The following LRRC4C variants were observed in gnomAD, a reference collection of about 807,000 sequenced individuals.
The protein encoded by LRRC4C is leucine-rich repeat-containing protein 4C.
Under a neutral mutation model 33.6 loss-of-function variants are expected in LRRC4C, and 5 were observed. The observed-to-expected ratio is 0.15, with a 90% CI of 0.08 to 0.31. LRRC4C has a LOEUF of 0.31. Among genes scored for constraint, LRRC4C ranks in the 10% least tolerant of loss-of-function variants. The pLI is 1.00. For synonymous variants in LRRC4C, 329 were observed against 302.0 expected, an observed-to-expected ratio of 1.09 and a Z score of -0.93; for missense variants, 560 against 796.7, an observed-to-expected ratio of 0.70 and a Z score of 3.58.
In LRRC4C at chr11:40,976,611, G is replaced by A. The variant is rs1852102968; in HGVS notation, c.-495-42888C>T. Among the ~76,000 whole-genome samples, 3 of 152,168 alleles carry A rather than the reference G, an allele frequency of 2.0e-5. No homozygotes were observed. The South Asian group carries it at 6.2e-4, about 31-fold the overall frequency. On this transcript the variant is annotated intron_variant, in intron 1 of 6. Transcript: ENST00000528697. ...ACTTTTTCAAAATCCAATTGGTATG[G>A]AGTCCAACATCTAACAAAATGTGAT...
chr11:40,278,787 T>A (rs1231472672), intron 4 of LRRC4C, among the ~76,000 whole-genome samples: 3 of 13,150 alleles, frequency 2.3e-4, no homozygotes, highest in African/African-American at 1.0e-3. Flanking sequence ...AGACGTATGA[T>A]AGATATTAGT....
At chr11:40,174,311 C>T (rs935804058) in intron 5 of LRRC4C, among the ~76,000 whole-genome samples, 1 of 152,112 alleles carries the variant, frequency 6.6e-6, no homozygotes, top group African/African-American at 2.4e-5. Flanking sequence ...CTTCTGCTGG[C>T]CTTGACCACT....
In LRRC4C at chr11:40,989,559, A is replaced by T. The variant is rs140062640; in HGVS notation, c.-495-55836T>A. Among the ~76,000 whole-genome samples the T allele has an allele frequency of 5.7e-4, 87 of 152,276 alleles. 2 individuals are homozygous for T. The East Asian group carries it at 0.012, about 22-fold the overall frequency. On this transcript the variant is annotated intron_variant, in intron 1 of 6. Transcript: ENST00000528697. ...AGTAAGAGTATGTCACTAGGTATTTATTCAGGAAGGATTTATACATAACAT... is the reference window on the plus strand; with the variant it reads ...AGTAAGAGTATGTCACTAGGTATTTTTTCAGGAAGGATTTATACATAACAT...
chr11:41,139,251 G>A (rs1457466885), intron 1 of LRRC4C, among the ~76,000 whole-genome samples: 7 of 152,254 alleles, frequency 4.6e-5, no homozygotes, highest in Non-Finnish European at 1.0e-4. Flanking sequence ...CAGTCACAGA[G>A]CTAGAAATAA....
chr11:41,135,191 A>C (rs1943202665), intron 1 of LRRC4C, among the ~76,000 whole-genome samples: 1 of 152,116 alleles, frequency 6.6e-6, no homozygotes, highest in African/African-American at 2.4e-5. Context: ...TTCTCCTTTC[A>C]AATCTGCTAA....
At chr11:40,484,748 T>A (rs562681891) in intron 3 of LRRC4C, among the ~76,000 whole-genome samples, 2 of 152,122 alleles carry the variant, frequency 1.3e-5, no homozygotes, top group Admixed American at 6.5e-5. Flanking sequence ...AAAGAATTAT[T>A]CCAAATAGCA....
intron 2 of LRRC4C, among the ~76,000 whole-genome samples, chr11:40,851,330 G>C (rs1591887301): frequency 1.3e-5 from 2 of 152,118 alleles, no homozygotes; most frequent in African/African-American, 4.8e-5. Flanking sequence ...GTAGCATCTG[G>C]GTCAGAGAGC....
chr11:40,915,203 T>C (rs1368581560), intron 2 of LRRC4C, among the ~76,000 whole-genome samples: 1 of 152,048 alleles, frequency 6.6e-6, no homozygotes, highest in Non-Finnish European at 1.5e-5. Flanking sequence ...TACTTTAAAG[T>C]TCATATGGAA....
chr11:41,422,331 G>T (rs1180270138), intron 1 of LRRC4C, among the ~76,000 whole-genome samples: 2 of 152,004 alleles, frequency 1.3e-5, no homozygotes, highest in East Asian at 3.9e-4. Flanking sequence ...GTCAGTACTT[G>T]GTTTAGAAAA....
chr11:41,163,138 C>T lies in LRRC4C; in HGVS notation c.-495-229415G>A, dbSNP rs575372139. 3.4e-4 allele frequency among the ~76,000 whole-genome samples: 51 copies of T among 152,124 alleles called. 1 individual carries two copies. In the South Asian group the frequency reaches 6.3e-3, roughly 19 times the overall value. The stretch of plus-strand genomic sequence containing the variant: ...CCGCCACCATGTAAGAAGTGCCTTT[C>T]ACCTCCCTCCATGATTCTGATGTCT... On this transcript the variant is annotated intron_variant, in intron 1 of 6. Coordinates refer to ENST00000528697, the MANE Select transcript of LRRC4C (RefSeq NM_001258419.2).
chr11:40,691,794 A>G lies in LRRC4C; in HGVS notation c.-406-43516T>C, dbSNP rs114900044. ...ACTTTGTTATGCAGACTCTTCCCAA[A>G]ATATTTATGTATTTTGAATAAACTT... On this transcript the variant is annotated intron_variant, in intron 2 of 6. Transcript: ENST00000528697. 3.9e-3 allele frequency among the ~76,000 whole-genome samples: 591 copies of G among 152,206 alleles called. 2 individuals carry two copies. The highest frequency in any genetic ancestry group is 0.013 in the African/African-American group (525 of 41,540).
intron 1 of LRRC4C, among the ~76,000 whole-genome samples, chr11:41,167,183 T>C (rs2136071318): frequency 6.6e-6 from 1 of 152,274 alleles, no homozygotes; most frequent in Non-Finnish European, 1.5e-5. Context: ...AAAATATTAC[T>C]CCCAACACTT....
chr11:40,457,464 T>C (rs1422595173), intron 3 of LRRC4C, among the ~76,000 whole-genome samples: 1 of 152,150 alleles, frequency 6.6e-6, no homozygotes, highest in East Asian at 1.9e-4. Flanking sequence ...ACTTGTATCA[T>C]TTATCTTTGC....
At chr11:40,158,901 CAAAAT>C (rs1359255749) in intron 5 of LRRC4C, among the ~76,000 whole-genome samples, 3 of 152,078 alleles carry the variant, frequency 2.0e-5, no homozygotes, top group Non-Finnish European at 2.9e-5. Context: ...AAAAACAAAA[CAAAAT>C]GAAATGAAAC....
intron 2 of LRRC4C, among the ~76,000 whole-genome samples, chr11:40,654,738 A>AT (rs1943007825): frequency 6.6e-6 from 1 of 152,070 alleles, no homozygotes; most frequent in Non-Finnish European, 1.5e-5. Flanking sequence ...AGGCCATGAG[A>AT]TTTTGGAGGG....
At chr11:41,128,077 T>G (rs914767743) in intron 1 of LRRC4C, among the ~76,000 whole-genome samples, 2 of 152,078 alleles carry the variant, frequency 1.3e-5, no homozygotes, top group Non-Finnish European at 2.9e-5. Flanking sequence ...TTCACATCAC[T>G]GTTTATTATG....
At chr11:40,788,999 A>T (rs1361690561) in intron 2 of LRRC4C, among the ~76,000 whole-genome samples, 1 of 146,842 alleles carries the variant, frequency 6.8e-6, no homozygotes, top group Admixed American at 6.9e-5. Flanking sequence ...AGGCTGAGGC[A>T]GGAGAATGGC....
At chr11:40,864,107 C>T (rs915271384) in intron 2 of LRRC4C, among the ~76,000 whole-genome samples, 1 of 152,068 alleles carries the variant, frequency 6.6e-6, no homozygotes, top group Non-Finnish European at 1.5e-5. Context: ...CTCACTCTGT[C>T]ACCCAGGCTA....
chr11:40,888,074 A>G (rs539545555), intron 2 of LRRC4C, among the ~76,000 whole-genome samples: 2 of 152,040 alleles, frequency 1.3e-5, no homozygotes, highest in South Asian at 2.1e-4. Flanking sequence ...TGATTTTTAG[A>G]TCAACATATG....
Sources: allele counts gnomAD v4.1 joint callset (sites outside exome capture counted in the v4.1 genomes callset), GRCh38; gene constraint gnomAD v4.1.1; transcripts MANE v1.5; gene names NCBI Gene and HGNC (gene_info 2026-07-23, HGNC 2026-07-21).